Variants in XPNPEP2 observed in about 807,000 individuals in gnomAD.
The protein encoded by XPNPEP2 is X-prolyl aminopeptidase 2, also known as xaa-Pro aminopeptidase 2.
A neutral mutation model predicts 59.8 loss-of-function variants in XPNPEP2; 64 were observed. The ratio of observed to expected loss-of-function variants is 1.07; its 90% CI spans 0.87 to 1.32. The LOEUF (loss-of-function observed/expected upper bound fraction) is 1.32, where lower values mean the gene tolerates loss of function less well. Ranked by LOEUF, XPNPEP2 falls within the 40% of genes most tolerant of loss-of-function variation. XPNPEP2 has a pLI of 0.00. For missense variants in XPNPEP2, 575 were observed against 546.8 expected (o/e 1.05, Z -0.51); for synonymous variants, 235 against 210.0 (o/e 1.12, Z -1.03).
At chrX:129,753,339 C>T (rs1031667976) in intron 11 of XPNPEP2, 91 bp downstream of exon 11, 2 of 893,345 alleles carry the variant, frequency 2.2e-6, no homozygotes, top group East Asian at 6.3e-5. Flanking sequence ...CTGAAGAAGA[C>T]CCTCAATGAA....
chrX:129,754,894 G>A (rs1464510463), intron 12 of XPNPEP2, among the ~76,000 whole-genome samples: 1 of 111,541 alleles, frequency 9.0e-6, no homozygotes, highest in East Asian at 2.8e-4. Flanking sequence ...CTCAGACCAG[G>A]TCAGCCCCTG....
At chrX:129,739,994 T>C (rs1040487769) in intron 1 of XPNPEP2, among the ~76,000 whole-genome samples, 6 of 112,567 alleles carry the variant, frequency 5.3e-5, no homozygotes, top group African/African-American at 1.9e-4. Context: ...TCACTCAATG[T>C]CCAGTTCCTG....
In XPNPEP2 at chrX:129,742,156, T is replaced by C. The variant is rs1218767020; in HGVS notation, c.98T>C (p.Val33Ala). The change falls in exon 2 of 21, where the codon GTG becomes GCG. Residue 33 changes from valine (V) to alanine (A), a missense_variant. Val to Ala is a moderately conservative substitution (Grantham distance 64, BLOSUM62 0). Transcript: ENST00000371106. Reference sequence around the variant, plus strand: ...CCAGTGGACCTTGGAGGGCAGGATGTGAGAAACTGTTCCACCAACCCCCCT... The same window carrying C: ...CCAGTGGACCTTGGAGGGCAGGATGCGAGAAACTGTTCCACCAACCCCCCT... The part of the protein sequence containing the change: ...TKPVDLGGQD[V>A]RNCSTNPPYL... 2 of 1,206,734 alleles carry C rather than the reference T, an allele frequency of 1.7e-6. No homozygotes were observed. Among genetic ancestry groups the C allele is most frequent in the Admixed American group, 2.2e-5 (1 of 45,771 alleles).
intron 19 of XPNPEP2, among the ~76,000 whole-genome samples, chrX:129,763,644 G>T (rs1033302201): frequency 9.0e-6 from 1 of 111,237 alleles, no homozygotes; most frequent in Non-Finnish European, 1.9e-5. Context: ...CTGCACTCTA[G>T]CCTCGGTAAC....
At chrX:129,767,162 C>G (rs190890701) in intron 19 of XPNPEP2, among the ~76,000 whole-genome samples, 1 of 110,916 alleles carries the variant, frequency 9.0e-6, no homozygotes, top group Admixed American at 9.6e-5. Flanking sequence ...TGCAGAGGGC[C>G]GTCATCGTGT....
At position 129,757,061 on chromosome X, in the gene XPNPEP2, T is replaced by TAC. The variant is rs1325338252; in HGVS notation, c.1367+507_1367+508insCA. 2.9e-3 allele frequency among the ~76,000 whole-genome samples: 245 copies of TAC among 85,650 alleles called. 4 individuals carry two copies. Among genetic ancestry groups the TAC allele is most frequent in the African/African-American group, 0.013 (226 of 17,200 alleles). The allele number at this position is 85,650 out of a possible 115,157, so 74.4% of individuals were successfully genotyped here. A position where few individuals can be genotyped will look rare whatever the true frequency, so the allele number is the denominator to read the frequency against. On this transcript the variant is annotated intron_variant, in intron 14 of 20. Coordinates refer to ENST00000371106, the MANE Select transcript of XPNPEP2 (RefSeq NM_003399.6). Reference sequence around the variant, plus strand: ...ACATATATATATACACACACATATATATACACACACATACACACACACACA... The same window carrying TAC: ...ACATATATATATACACACACATATATACATACACACACATACACACACACACA...
intron 2 of XPNPEP2, among the ~76,000 whole-genome samples, chrX:129,743,302 A>G (rs1312703414): frequency 2.7e-5 from 3 of 112,336 alleles, no homozygotes; most frequent in African/African-American, 6.5e-5. Context: ...TGGTCTGGAA[A>G]GGGTCTTTCT....
In XPNPEP2 at chrX:129,768,647, GC is replaced by G; in HGVS notation, c.*166del. 2.3e-6 allele frequency: 1 copy of G among 437,088 alleles called. No homozygotes were observed. The highest frequency in any genetic ancestry group is 3.5e-6 in the Non-Finnish European group (1 of 287,819). The allele number at this position is 437,088 out of a possible 1,213,427, so 36.0% of individuals were successfully genotyped here. A position where few individuals can be genotyped will look rare whatever the true frequency, so the allele number is the denominator to read the frequency against. On this transcript the variant is annotated 3_prime_UTR_variant, in exon 21 of 21. Coordinates refer to ENST00000371106, the MANE Select transcript of XPNPEP2 (RefSeq NM_003399.6). ...CCAAGACCTATGGAGAAGGTCCCAG[GC>G]CCCAGGAACACAGGGCTTCTTGGCC...
At position 129,739,338 on chromosome X, in the gene XPNPEP2, G is replaced by A; in HGVS notation, c.49+76G>A. 3 of 1,050,785 alleles carry A rather than the reference G, an allele frequency of 2.9e-6. 1 individual carries two copies. The South Asian group carries it at 6.0e-5, about 21-fold the overall frequency. The allele number at this position is 1,050,785 out of a possible 1,213,427, so 86.6% of individuals were successfully genotyped here. ...GAGCTCAGAAAGGGTTGGAGTGAGG[G>A]TTGGGGCCCGAGTCTCTTTTTCTGT... On this transcript the variant is annotated intron_variant, in intron 1 of 20. Transcript: ENST00000371106.
Position 129,742,044 on chromosome X carries a change from C to T in XPNPEP2, c.50-64C>T, listed in dbSNP as rs1480043983. The T allele has an allele frequency of 3.7e-6, 4 of 1,071,859 alleles. No homozygotes were observed. The East Asian group carries it at 9.1e-5, about 24-fold the overall frequency. 88.3% of individuals were successfully genotyped at this position (1,071,859 alleles called of 1,213,427 possible). On this transcript the variant is annotated intron_variant, in intron 1 of 20. Coordinates refer to ENST00000371106, the MANE Select transcript of XPNPEP2 (RefSeq NM_003399.6). Reference sequence around the variant, plus strand: ...CCCCGTGGGGCGGGCTGAGAGGATACTCCTTCCCTCTCTAGGAACTAGCTG... The same window carrying T: ...CCCCGTGGGGCGGGCTGAGAGGATATTCCTTCCCTCTCTAGGAACTAGCTG...
Position 129,762,020 on chromosome X carries a change from C to G in XPNPEP2, c.1618C>G (p.Gln540Glu). ...TTCCTTTCTAGGGCCAGTGGGATTC[C>G]AGTCCAACAACATCGCTATGGCCAA... ...LCVHEWPVGFQSNNIAMAKGM... is the reference protein window; with the variant it reads ...LCVHEWPVGFESNNIAMAKGM... Residue 540 changes from glutamine (Q) to glutamate (E), a missense_variant, in exon 18 of 21, where the codon CAG (glutamine) becomes GAG (glutamate). Transcript: ENST00000371106. The G allele has an allele frequency of 8.3e-6, 10 of 1,211,757 alleles. No individual in the cohort carries two copies. Among genetic ancestry groups the G allele is most frequent in the Non-Finnish European group, 1.1e-5 (10 of 895,329 alleles).
intron 7 of XPNPEP2, among the ~76,000 whole-genome samples, chrX:129,749,533 G>A (rs752766855): frequency 2.4e-4 from 27 of 113,077 alleles, no homozygotes; most frequent in African/African-American, 7.0e-4. Context: ...TATTTTTCAC[G>A]ACATTAAGTT....
Position 129,768,446 on chromosome X carries a change from A to T in XPNPEP2, c.1986A>T (p.Leu662Phe), listed in dbSNP as rs1431900969. 1 of 1,198,983 alleles carries T rather than the reference A, an allele frequency of 8.3e-7. No homozygotes were observed. The highest frequency in any genetic ancestry group is 1.1e-6 in the Non-Finnish European group (1 of 890,122). ...ACACCGCCTCCTGGGCCTCTGTGTT[A>T]GTGGTCTCCACCCTTGCCATCCTTG... ...APDTASWASV[L>F]VVSTLAILGW... The change falls in exon 21 of 21, where the codon TTA becomes TTT. Residue 662 changes from leucine to phenylalanine, a missense_variant. Coordinates refer to ENST00000371106, the MANE Select transcript of XPNPEP2 (RefSeq NM_003399.6).
chrX:129,758,001 G>C (rs1008758049), intron 14 of XPNPEP2, among the ~76,000 whole-genome samples: 2 of 111,086 alleles, frequency 1.8e-5, no homozygotes, highest in African/African-American at 6.6e-5. Context: ...ACGTGTGACT[G>C]ATCATTCACA....
Position 129,747,721 on chromosome X carries a change from A to T in XPNPEP2, c.605A>T (p.Gln202Leu), listed in dbSNP as rs202017970. The change falls in exon 7 of 21, where the codon CAA (glutamine) becomes CTA (leucine). Residue 202 changes from glutamine (Q) to leucine (L), a missense_variant. Gln to Leu is a moderately radical substitution (Grantham distance 113). Transcript: ENST00000371106. ...WGSERPPVPN[Q>L]PIYALQEAFT... ...TCAGAGAGGCCACCGGTTCCAAATC[A>T]ACCCATTTATGCCCTGCAGGAGGCA... 1 of 1,210,584 alleles carries T rather than the reference A, an allele frequency of 8.3e-7. No individual in the cohort carries two copies. The highest frequency in any genetic ancestry group is 1.7e-5 in the African/African-American group (1 of 57,299).
rs1267583235 is a variant in XPNPEP2 at position 129,768,309 on chromosome X, T to C, written c.1849T>C (p.Tyr617His). 1.7e-6 allele frequency: 2 copies of C among 1,181,489 alleles called. No individual in the cohort carries two copies. The highest frequency in any genetic ancestry group is 5.0e-5 in the Admixed American group (2 of 39,620). ...TTCGCAGCTCCAGTACCTGAATCGC[T>C]ACTACCAGACCATCCGGGAGAAGGT... ...SPEHLQYLNR[Y>H]YQTIREKVGP... is the part of the protein sequence containing the mutation. The change falls in exon 21 of 21, where the codon TAC (tyrosine) becomes CAC (histidine). Residue 617 changes from tyrosine to histidine, a missense_variant. Transcript: ENST00000371106.
At chrX:129,746,495 GAAGACACACATGGT>G in intron 5 of XPNPEP2, 86 bp from the exon 6 acceptor site, 1 of 977,085 alleles carries the variant, frequency 1.0e-6, no homozygotes, top group South Asian at 1.9e-5. Flanking sequence ...TGATCTCAAG[GAAGACACACATGGT>G]AGGACCATCA....
chrX:129,746,513 A>T, intron 5 of XPNPEP2, 82 bp from the exon 6 acceptor site: 1 of 1,006,002 alleles, frequency 9.9e-7, no homozygotes, highest in Non-Finnish European at 1.4e-6. Flanking sequence ...ACATGGTAGG[A>T]CCATCAGACA....
rs1926776233 is a variant in XPNPEP2 at position 129,767,647 on chromosome X, C to T, written c.1785C>T (p.Pro595=). The T allele has an allele frequency of 1.7e-6, 2 of 1,209,856 alleles. No individual in the cohort carries two copies. Among genetic ancestry groups the T allele is most frequent in the Non-Finnish European group, 2.2e-6 (2 of 895,166 alleles). ...YLTFEVVSFV[P]YDRNLIDVSL... ...CCTTTGAAGTGGTATCATTTGTGCC[C>T]TATGACCGGAACCTCATCGATGTCA... is the stretch of plus-strand genomic sequence containing the variant. The change falls in exon 20 of 21, where the codon CCC becomes CCT. Residue 595 remains proline, a synonymous_variant. Coordinates refer to ENST00000371106, the MANE Select transcript of XPNPEP2 (RefSeq NM_003399.6).
Sources: allele counts gnomAD v4.1 joint callset (sites outside exome capture counted in the v4.1 genomes callset), GRCh38; gene constraint gnomAD v4.1.1; transcripts MANE v1.5; gene names NCBI Gene and HGNC (gene_info 2026-07-23, HGNC 2026-07-21).